The following CREB5 variants were observed in gnomAD, a reference collection of about 807,000 sequenced individuals.
CREB5 encodes cyclic AMP-responsive element-binding protein 5.
Under a neutral mutation model 57.1 loss-of-function variants are expected in CREB5, and 19 were observed. The observed-to-expected ratio is 0.33, with a 90% CI of 0.23 to 0.49. The LOEUF (loss-of-function observed/expected upper bound fraction) is 0.49, where lower values mean the gene tolerates loss of function less well. Ranked by LOEUF, CREB5 falls within the 20% of genes least tolerant of loss-of-function variation. CREB5 has a pLI of 0.99. For missense variants in CREB5, 579 were observed against 671.6 expected, an observed-to-expected ratio of 0.86 and a Z score of 1.52; for synonymous variants, 238 against 238.3, an observed-to-expected ratio of 1.00 and a Z score of 0.01.
At chr7:28,763,295 A>G (rs552495387) in intron 7 of CREB5, among the ~76,000 whole-genome samples, 90 of 152,304 alleles carry the variant, frequency 5.9e-4, no homozygotes, top group African/African-American at 2.0e-3. Context: ...GTGTATATAC[A>G]TTATACACAA....
At chr7:28,685,741 C>T (rs992773141) in intron 5 of CREB5, among the ~76,000 whole-genome samples, 7 of 150,952 alleles carry the variant, frequency 4.6e-5, no homozygotes, top group East Asian at 1.9e-4. Context: ...TGCAGAACTC[C>T]GGGTCCCTCT....
At chr7:28,788,772 G>A (rs1483620118) in intron 7 of CREB5, among the ~76,000 whole-genome samples, 1 of 151,748 alleles carries the variant, frequency 6.6e-6, no homozygotes, top group Admixed American at 6.6e-5. Flanking sequence ...GAATCTTTGG[G>A]AGGGAGGCTG....
In CREB5 at chr7:28,412,975, A is replaced by C. The variant is rs576042265; in HGVS notation, c.3+58A>C. The stretch of plus-strand genomic sequence containing the variant: ...GAGAGAAAACTTTGCACTTAGTTAA[A>C]TAGAACCAATGTTGTATTTTCATAG... On this transcript the variant is annotated intron_variant, in intron 1 of 10. Transcript: ENST00000357727. 1.1e-5 allele frequency: 15 copies of C among 1,349,126 alleles called. No homozygotes were observed. In the African/African-American group the frequency reaches 2.1e-4, roughly 19 times the overall value. The allele number at this position is 1,349,126 out of a possible 1,614,324, so 83.6% of individuals were successfully genotyped here. A position where few individuals can be genotyped will look rare whatever the true frequency, so the allele number is the denominator to read the frequency against.
chr7:28,614,257 G>A (rs1437945268), intron 5 of CREB5, among the ~76,000 whole-genome samples: 1 of 152,160 alleles, frequency 6.6e-6, no homozygotes, highest in East Asian at 1.9e-4. Context: ...CTGTACCCAG[G>A]CAGAATATTT....
In CREB5 at chr7:28,394,070, C is replaced by CAAAAA. The variant is rs56166148; in HGVS notation, c.-25+94661_-25+94665dup. On this transcript the variant is annotated intron_variant, in intron 1 of 9. Transcript: ENST00000396299. ...TGGGGGATGGAGCAAGACTCTGTCT[C>CAAAAA]AAAAAAAAAAAAAAAAAAAAAAAAA... 8.5e-4 allele frequency among the ~76,000 whole-genome samples: 45 copies of CAAAAA among 52,994 alleles called. 11 individuals carry two copies. Among genetic ancestry groups the CAAAAA allele is most frequent in the African/African-American group, 3.9e-3 (36 of 9,320 alleles). The allele number at this position is 52,994 out of a possible 152,430, so 34.8% of individuals were successfully genotyped here.
intron 1 of CREB5, among the ~76,000 whole-genome samples, chr7:28,306,568 T>TTTTTTTTTGTTTG (rs1785191219): frequency 9.8e-5 from 13 of 132,712 alleles, no homozygotes; most frequent in Non-Finnish European, 1.8e-4. Context: ...TTTTTTTTTT[T>TTTTTTTTTGTTTG]TTTTTTTTTT....
intron 1 of CREB5, among the ~76,000 whole-genome samples, chr7:28,456,496 A>G (rs1790098577): frequency 6.6e-6 from 1 of 151,648 alleles, no homozygotes; most frequent in Non-Finnish European, 1.5e-5. Flanking sequence ...CCATGTGACA[A>G]TGGTCTTTGG....
chr7:28,592,678 C>T (rs56392654), intron 5 of CREB5, among the ~76,000 whole-genome samples: 14,908 of 152,068 alleles, frequency 0.098, 831 homozygotes, highest in African/African-American at 0.13. Context: ...GGTGGAGAAG[C>T]AAAACCTGTT....
intron 3 of CREB5, among the ~76,000 whole-genome samples, chr7:28,501,766 A>C (rs1214228791): frequency 6.6e-6 from 1 of 152,172 alleles, no homozygotes; most frequent in African/African-American, 2.4e-5. Flanking sequence ...GCTTGATTGC[A>C]GTTGGAACAC....
chr7:28,668,941 T>C (rs987044451), intron 5 of CREB5, among the ~76,000 whole-genome samples: 2 of 152,134 alleles, frequency 1.3e-5, no homozygotes, highest in African/African-American at 4.8e-5. Context: ...GTCCTTTCAC[T>C]CTGCCCTGCT....
intron 4 of CREB5, among the ~76,000 whole-genome samples, chr7:28,514,324 T>C (rs1464570361): frequency 6.6e-6 from 1 of 152,210 alleles, no homozygotes; most frequent in Non-Finnish European, 1.5e-5. Flanking sequence ...TCCTAGCCTG[T>C]GGCAGCTTTC....
intron 1 of CREB5, among the ~76,000 whole-genome samples, chr7:28,433,017 T>C (rs1446074475): frequency 6.6e-6 from 1 of 152,252 alleles, no homozygotes; most frequent in Non-Finnish European, 1.5e-5. Flanking sequence ...GAAAATGTGA[T>C]TTTAATAGCC....
chr7:28,548,535 C>G (rs769657999), intron 4 of CREB5, among the ~76,000 whole-genome samples: 3 of 152,086 alleles, frequency 2.0e-5, no homozygotes, highest in Non-Finnish European at 4.4e-5. Context: ...TGGGGCCAAA[C>G]GAATGTGGAG....
At chr7:28,422,877 T>C (rs1788330007) in intron 1 of CREB5, among the ~76,000 whole-genome samples, 1 of 152,174 alleles carries the variant, frequency 6.6e-6, no homozygotes, top group Non-Finnish European at 1.5e-5. Context: ...TAATAACACC[T>C]TACATTGTTT....
chr7:28,537,649 G>A (rs1185815515), intron 4 of CREB5, among the ~76,000 whole-genome samples: 1 of 152,170 alleles, frequency 6.6e-6, no homozygotes, highest in East Asian at 1.9e-4. Flanking sequence ...TTAAAGAAAT[G>A]TGAATTTCCA....
chr7:28,542,104 G>C (rs1794232479), intron 4 of CREB5, among the ~76,000 whole-genome samples: 1 of 152,190 alleles, frequency 6.6e-6, no homozygotes, highest in Non-Finnish European at 1.5e-5. Context: ...GGCTTACTTT[G>C]TACCTGGACT....
At chr7:28,358,091 C>T (rs1786382522) in intron 1 of CREB5, among the ~76,000 whole-genome samples, 1 of 152,142 alleles carries the variant, frequency 6.6e-6, no homozygotes. Context: ...TCTGAGGCAT[C>T]TTGCATACAC....
intron 1 of CREB5, among the ~76,000 whole-genome samples, chr7:28,463,782 G>A (rs1267029997): frequency 6.6e-6 from 1 of 152,160 alleles, no homozygotes; most frequent in Non-Finnish European, 1.5e-5. Flanking sequence ...CAAGGCTGCT[G>A]AACACATTTG....
chr7:28,467,349 T>C (rs983156197), intron 1 of CREB5, among the ~76,000 whole-genome samples: 8 of 152,178 alleles, frequency 5.3e-5, no homozygotes, highest in Non-Finnish European at 1.2e-4. Context: ...CCTGGAACTA[T>C]AGGACAAGGG....
Sources: allele counts gnomAD v4.1 joint callset (sites outside exome capture counted in the v4.1 genomes callset), GRCh38; gene constraint gnomAD v4.1.1; transcripts MANE v1.5; gene names NCBI Gene and HGNC (gene_info 2026-07-23, HGNC 2026-07-21).